The following HHLA2 variants were observed in gnomAD, a reference collection of about 807,000 sequenced individuals.
The protein encoded by HHLA2 is HERV-H LTR-associating protein 2.
In HHLA2, 48 loss-of-function variants were observed where a neutral mutation model predicts 45.9. The observed-to-expected ratio is 1.05, with a 90% CI of 0.83 to 1.33. The LOEUF (loss-of-function observed/expected upper bound fraction) is 1.33. HHLA2 is among the 40% of genes most tolerant of loss of function. The probability of loss-of-function intolerance (pLI) is 0.00; values close to 1 mark genes in which losing one functional copy is unlikely to be tolerated. For missense variants in HHLA2, 462 were observed against 494.3 expected, an observed-to-expected ratio of 0.93 and a Z score of 0.62; for synonymous variants, 161 against 173.9, an observed-to-expected ratio of 0.93 and a Z score of 0.59.
chr3:108,373,150 C>T (rs971980115), intron 8 of HHLA2, among the ~76,000 whole-genome samples: 3 of 152,166 alleles, frequency 2.0e-5, no homozygotes, highest in Non-Finnish European at 4.4e-5. Context: ...TGGGCTTCAT[C>T]CTGGGATGCA....
chr3:108,361,746 A>C (rs1023748544), intron 7 of HHLA2, among the ~76,000 whole-genome samples: 1 of 151,950 alleles, frequency 6.6e-6, no homozygotes, highest in Admixed American at 6.6e-5. Flanking sequence ...TACTGTGCCT[A>C]TTATCTCTGT....
intron 9 of HHLA2, 80 bp from the exon 9 acceptor site, chr3:108,376,413 A>G: frequency 2.3e-5 from 24 of 1,054,622 alleles, no homozygotes; most frequent in Non-Finnish European, 3.2e-5. Flanking sequence ...TAATAACATG[A>G]TTATATTGAG....
chr3:108,355,447 T>A, intron 6 of HHLA2, 66 bp downstream of exon 5: 1 of 1,510,270 alleles, frequency 6.6e-7, no homozygotes, highest in Non-Finnish European at 8.9e-7. Flanking sequence ...GGGGACTGAT[T>A]TGCAAAAAAA....
intron 8 of HHLA2, among the ~76,000 whole-genome samples, chr3:108,366,140 T>C (rs1232007993): frequency 2.0e-5 from 3 of 152,198 alleles, no homozygotes; most frequent in African/African-American, 7.2e-5. Context: ...CTTATTATAT[T>C]GAGATATGTT....
At chr3:108,300,561 G>A (rs1412993994) in intron 1 of HHLA2, among the ~76,000 whole-genome samples, 2 of 152,196 alleles carry the variant, frequency 1.3e-5, no homozygotes, top group Non-Finnish European at 2.9e-5. Flanking sequence ...AAGAAGCGCT[G>A]GTGAAGCTCC....
chr3:108,376,768 A>C, intron 10 of HHLA2: 2 of 464,890 alleles, frequency 4.3e-6, no homozygotes, highest in Non-Finnish European at 7.7e-6. Context: ...GCTTAAATAC[A>C]TGGTTGTTCT....
intron 2 of HHLA2, among the ~76,000 whole-genome samples, chr3:108,315,935 A>T (rs2081095891): frequency 6.6e-6 from 1 of 152,216 alleles, no homozygotes. Flanking sequence ...ATATTTAGTC[A>T]TCTAACCTTT....
At chr3:108,377,314 A>C (rs1481286648) in exon 11 of HHLA2, 1 of 1,508,032 alleles carries the variant, frequency 6.6e-7, no homozygotes, top group East Asian at 2.3e-5. Flanking sequence ...CATGACCTGC[A>C]TCCTTAATAT....
At chr3:108,333,025 G>C (rs2081412774) in intron 3 of HHLA2, among the ~76,000 whole-genome samples, 1 of 152,168 alleles carries the variant, frequency 6.6e-6, no homozygotes, top group Non-Finnish European at 1.5e-5. Context: ...TGGAGTAAAA[G>C]GCAGTAAGGC....
At chr3:108,297,430 C>G (rs1452658358) in intron 1 of HHLA2, among the ~76,000 whole-genome samples, 1 of 152,132 alleles carries the variant, frequency 6.6e-6, no homozygotes, top group Non-Finnish European at 1.5e-5. Context: ...TCTCTAGAGT[C>G]AAGTAATCCT....
intron 8 of HHLA2, among the ~76,000 whole-genome samples, chr3:108,374,132 T>C (rs1289003867): frequency 6.6e-6 from 1 of 151,072 alleles, no homozygotes; most frequent in Non-Finnish European, 1.5e-5. Flanking sequence ...AAAACAGAGA[T>C]ATAGACCAAT....
chr3:108,299,277 T>TAAAAAAA, intron 1 of HHLA2, among the ~76,000 whole-genome samples: 1 of 150,706 alleles, frequency 6.6e-6, no homozygotes. Context: ...AAACTTAGTT[T>TAAAAAAA]AAAAAAAGAC....
In HHLA2 at chr3:108,339,649, G is replaced by A. The variant is rs182791197; in HGVS notation, c.-27+11302G>A. Among the ~76,000 whole-genome samples, 14 of 152,114 alleles carry A rather than the reference G, an allele frequency of 9.2e-5. No individual in the cohort carries two copies. In the East Asian group the frequency reaches 2.1e-3, roughly 23 times the overall value. ...ATACTACCAAAAGGGTTAATAAAAC[G>A]CAAGAGAAAAGAGAAAATTATTGAT... On this transcript the variant is annotated intron_variant, in intron 3 of 10. Transcript: ENST00000619531.
chr3:108,349,688 CA>C (rs2081742583), intron 3 of HHLA2, among the ~76,000 whole-genome samples: 1 of 152,066 alleles, frequency 6.6e-6, no homozygotes, highest in Admixed American at 6.6e-5. Flanking sequence ...ATGCAGAGTA[CA>C]GTGAAGGGTT....
intron 2 of HHLA2, among the ~76,000 whole-genome samples, chr3:108,315,567 T>C (rs114526239): frequency 0.01 from 1,531 of 152,338 alleles, 20 homozygotes; most frequent in African/African-American, 0.035. Context: ...TTTACCAAAC[T>C]AGAGATAGCT....
At chr3:108,376,674 ACAG>A (rs1330147889) in intron 10 of HHLA2, 117 bp downstream of exon 9, 1 of 839,326 alleles carries the variant, frequency 1.2e-6, no homozygotes, top group African/African-American at 1.7e-5. Flanking sequence ...ACAGAAAAAA[ACAG>A]CAGCAGGGGT....
At chr3:108,343,263 G>A (rs1305291712) in intron 3 of HHLA2, among the ~76,000 whole-genome samples, 1 of 152,166 alleles carries the variant, frequency 6.6e-6, no homozygotes, top group Non-Finnish European at 1.5e-5. Flanking sequence ...GGCTTCTGAA[G>A]CAATGAAGCT....
intron 1 of HHLA2, among the ~76,000 whole-genome samples, chr3:108,300,042 A>AT (rs767675824): frequency 2.0e-5 from 3 of 152,138 alleles, no homozygotes; most frequent in Non-Finnish European, 4.4e-5. Context: ...ATTGAGTTCC[A>AT]TCTGAGGAGG....
chr3:108,341,039 G>A (rs74946732), intron 3 of HHLA2, among the ~76,000 whole-genome samples: 6,187 of 150,538 alleles, frequency 0.041, 187 homozygotes, highest in Non-Finnish European at 0.054. Context: ...TGCAACCTCC[G>A]CCTCCCAGGT....
Sources: gnomAD v4.1 joint callset for allele counts (sites outside exome capture counted in the v4.1 genomes callset) on GRCh38, gnomAD v4.1.1 for gene constraint, MANE v1.5 for transcripts, NCBI Gene and HGNC (gene_info 2026-07-23, HGNC 2026-07-21) for gene names.